ALK: variants seen among roughly 807,000 people sequenced by gnomAD.
The protein encoded by ALK is ALK receptor tyrosine kinase.
ALK carries 74 observed loss-of-function variants against 163.1 expected under a neutral mutation model. The ratio of observed to expected loss-of-function variants is 0.45; its 90% confidence interval spans 0.38 to 0.55. The LOEUF is 0.55. Ranked by LOEUF, ALK falls within the 20% of genes least tolerant of loss-of-function variation. ALK has a pLI of 0.00. For synonymous variants in ALK, 960 were observed against 843.2 expected (o/e 1.14, Z -2.40); for missense variants, 2,063 against 2,105.3 (o/e 0.98, Z 0.39).
At chr2:29,401,949 A>T (rs1017739750) in intron 4 of ALK, among the ~76,000 whole-genome samples, 9 of 152,194 alleles carry the variant, frequency 5.9e-5, no homozygotes, top group African/African-American at 2.2e-4. Context: ...TAATACTAAG[A>T]AGTAGAAATA....
intron 3 of ALK, among the ~76,000 whole-genome samples, chr2:29,600,422 G>C (rs1334414171): frequency 6.6e-6 from 1 of 152,186 alleles, no homozygotes; most frequent in African/African-American, 2.4e-5. Context: ...GGTTATCAAA[G>C]AGAAAACACA....
At position 29,343,422 on chromosome 2, in the gene ALK, C is replaced by T. The variant is rs575669234; in HGVS notation, c.1283-14941G>A. Among the ~76,000 whole-genome samples the T allele has an allele frequency of 4.0e-5, 6 of 151,810 alleles. No individual in the cohort carries two copies. The South Asian group carries it at 1.3e-3, about 32-fold the overall frequency. On this transcript the variant is annotated intron_variant, in intron 5 of 28. Transcript: ENST00000389048. ...TAGAGATGGGGTCTCCCTATTTTGCCCAGTCTGATCTTGAACTCCTGGGCT... is the reference window on the plus strand; with the variant it reads ...TAGAGATGGGGTCTCCCTATTTTGCTCAGTCTGATCTTGAACTCCTGGGCT...
rs553309096 is a variant in ALK at position 29,757,094 on chromosome 2, T to C, written c.668-39397A>G. Among the ~76,000 whole-genome samples, 17 of 152,298 alleles carry C rather than the reference T, an allele frequency of 1.1e-4. No homozygotes were observed. The South Asian group carries it at 3.1e-3, about 28-fold the overall frequency. On this transcript the variant is annotated intron_variant, in intron 1 of 28. Coordinates refer to ENST00000389048, the MANE Select transcript of ALK (RefSeq NM_004304.5). ...TTGTGCATTGAGGCAGTGAGCTCTG[T>C]AGGCTAGTAGAAAGAAAAGTGTTCT... is the stretch of plus-strand genomic sequence containing the variant.
intron 3 of ALK, among the ~76,000 whole-genome samples, chr2:29,570,202 C>A (rs1002645470): frequency 6.6e-6 from 1 of 152,172 alleles, no homozygotes; most frequent in Non-Finnish European, 1.5e-5. Flanking sequence ...AAGGAAACAA[C>A]TATTAAAACC....
At chr2:29,799,578 A>T (rs1054479111) in intron 1 of ALK, among the ~76,000 whole-genome samples, 1 of 152,178 alleles carries the variant, frequency 6.6e-6, no homozygotes, top group African/African-American at 2.4e-5. Flanking sequence ...CTAGCTACTC[A>T]AGAGATTAAA....
chr2:29,562,161 T>G (rs1172985804), intron 3 of ALK, among the ~76,000 whole-genome samples: 1 of 152,178 alleles, frequency 6.6e-6, no homozygotes, highest in Non-Finnish European at 1.5e-5. Context: ...GTGGGTGCCG[T>G]CTGTGGCTTA....
At chr2:29,855,664 A>G (rs763948246) in intron 1 of ALK, among the ~76,000 whole-genome samples, 2 of 152,202 alleles carry the variant, frequency 1.3e-5, no homozygotes, top group Non-Finnish European at 2.9e-5. Flanking sequence ...AGAAGTGAAC[A>G]CAGGAATTTC....
At chr2:29,836,408 G>A (rs115663638) in intron 1 of ALK, among the ~76,000 whole-genome samples, 12 of 152,200 alleles carry the variant, frequency 7.9e-5, no homozygotes, top group East Asian at 3.9e-4. Flanking sequence ...CAGGCTGACC[G>A]AGTCACCATT....
intron 1 of ALK, among the ~76,000 whole-genome samples, chr2:29,756,425 A>G (rs1460247049): frequency 6.6e-6 from 1 of 152,200 alleles, no homozygotes; most frequent in Non-Finnish European, 1.5e-5. Flanking sequence ...ACCCTGTCTC[A>G]GCATGTAGTC....
chr2:29,390,059 A>G (rs1364839480), intron 4 of ALK, among the ~76,000 whole-genome samples: 1 of 152,240 alleles, frequency 6.6e-6, no homozygotes, highest in African/African-American at 2.4e-5. Context: ...GGTCTACTAT[A>G]TGCGCTGCTT....
chr2:29,239,607 T>G, intron 13 of ALK, 73 bp downstream of exon 13: 1 of 1,568,920 alleles, frequency 6.4e-7, no homozygotes, highest in Non-Finnish European at 8.7e-7. Context: ...GGGTGTTGAG[T>G]GTTGGTGCCT....
intron 11 of ALK, among the ~76,000 whole-genome samples, chr2:29,261,003 T>C (rs569901046): frequency 2.0e-5 from 3 of 152,304 alleles, no homozygotes; most frequent in Non-Finnish European, 4.4e-5. Flanking sequence ...CTTCTCCAAG[T>C]GGGCCCTTTC....
At chr2:29,623,184 G>C (rs1382666338) in intron 3 of ALK, among the ~76,000 whole-genome samples, 1 of 152,134 alleles carries the variant, frequency 6.6e-6, no homozygotes, top group African/African-American at 2.4e-5. Flanking sequence ...TATCAACTTT[G>C]ACCCTGGCAC....
chr2:29,840,756 T>A (rs536528274), intron 1 of ALK, among the ~76,000 whole-genome samples: 1 of 152,342 alleles, frequency 6.6e-6, no homozygotes, highest in East Asian at 1.9e-4. Context: ...ACTGAACATT[T>A]ACATGGCACA....
chr2:29,399,999 C>T (rs1430724369), intron 4 of ALK, among the ~76,000 whole-genome samples: 1 of 152,160 alleles, frequency 6.6e-6, no homozygotes, highest in Non-Finnish European at 1.5e-5. Flanking sequence ...ATCTTACCAA[C>T]TGAGTTAGGA....
intron 1 of ALK, among the ~76,000 whole-genome samples, chr2:29,764,228 G>A (rs1680794635): frequency 3.3e-5 from 5 of 152,176 alleles, no homozygotes; most frequent in Admixed American, 3.3e-4. Context: ...CTGCAGGGCT[G>A]TCTGAGTAGA....
At chr2:29,268,033 C>A (rs1349113562) in intron 11 of ALK, among the ~76,000 whole-genome samples, 14 of 152,172 alleles carry the variant, frequency 9.2e-5, no homozygotes, top group Non-Finnish European at 1.8e-4. Flanking sequence ...TGAGAAAAAA[C>A]AACATGTTTT....
At chr2:29,341,295 C>T (rs1667784015) in intron 5 of ALK, among the ~76,000 whole-genome samples, 1 of 152,144 alleles carries the variant, frequency 6.6e-6, no homozygotes, top group African/African-American at 2.4e-5. Context: ...TCAGTGCTGC[C>T]AACTCCATTC....
intron 5 of ALK, among the ~76,000 whole-genome samples, chr2:29,368,055 G>A (rs77224219): frequency 0.034 from 5,208 of 152,250 alleles, 293 homozygotes; most frequent in African/African-American, 0.12. Flanking sequence ...CCCAGGCTTT[G>A]AGCCAAACAC....
Sources: gnomAD v4.1 joint callset for allele counts (sites outside exome capture counted in the v4.1 genomes callset) on GRCh38, gnomAD v4.1.1 for gene constraint, MANE v1.5 for transcripts, NCBI Gene and HGNC (gene_info 2026-07-23, HGNC 2026-07-21) for gene names.